Variants in FRMPD4 observed in about 807,000 individuals in gnomAD.
FRMPD4 encodes FERM and PDZ domain-containing protein 4.
FRMPD4 carries 22 observed loss-of-function variants against 94.1 expected under a neutral mutation model. The ratio of observed to expected loss-of-function variants is 0.23; its 90% CI spans 0.17 to 0.33. FRMPD4 has a LOEUF of 0.33. FRMPD4 is among the 10% of genes least tolerant of loss of function. The probability of loss-of-function intolerance (pLI) is 1.00; values close to 1 mark genes in which losing one functional copy is unlikely to be tolerated. For missense variants in FRMPD4, 1,111 were observed against 1,339.9 expected, an observed-to-expected ratio of 0.83 and a Z score of 2.67; for synonymous variants, 631 against 548.6, an observed-to-expected ratio of 1.15 and a Z score of -2.10.
At chrX:11,977,056 C>T (rs999540842) in intron 3 of FRMPD4, among the ~76,000 whole-genome samples, 3 of 110,614 alleles carry the variant, frequency 2.7e-5, no homozygotes, top group East Asian at 2.8e-4. Flanking sequence ...TAAATTATAC[C>T]GAACTACCAA....
chrX:12,560,510 G>A (rs5934022), intron 2 of FRMPD4, among the ~76,000 whole-genome samples: 2,801 of 103,556 alleles, frequency 0.027, 50 homozygotes, highest in Middle Eastern at 0.076. Context: ...CCAGCAACCA[G>A]CAATGGTGTA....
chrX:12,099,245 A>C (rs1320271974), intron 3 of FRMPD4, among the ~76,000 whole-genome samples: 4 of 111,427 alleles, frequency 3.6e-5, no homozygotes, highest in Non-Finnish European at 7.5e-5. Flanking sequence ...ATATATTTCC[A>C]GTTGACTGTT....
intron 2 of FRMPD4, among the ~76,000 whole-genome samples, chrX:12,508,764 C>T (rs773261060): frequency 2.7e-5 from 3 of 110,207 alleles, no homozygotes; most frequent in African/African-American, 3.3e-5. Context: ...GAGGCCAAGG[C>T]GGGCAGATCA....
At chrX:12,395,933 A>G in intron 1 of FRMPD4, 1 of 148,245 alleles carries the variant, frequency 6.7e-6, no homozygotes, top group Non-Finnish European at 1.4e-5. Flanking sequence ...GAATGTGCTC[A>G]ATGACCAGAG....
At chrX:12,087,821 C>T (rs1423533613) in intron 3 of FRMPD4, among the ~76,000 whole-genome samples, 1 of 112,216 alleles carries the variant, frequency 8.9e-6, no homozygotes, top group Non-Finnish European at 1.9e-5. Context: ...GAAATTACCA[C>T]ATACATATAG....
intron 1 of FRMPD4, among the ~76,000 whole-genome samples, chrX:11,840,810 T>C (rs1393828572): frequency 1.9e-5 from 2 of 108,024 alleles, no homozygotes; most frequent in Non-Finnish European, 3.8e-5. Context: ...TAGATACATA[T>C]GTATACATGT....
intron 4 of FRMPD4, among the ~76,000 whole-genome samples, chrX:12,669,568 T>A (rs1201925363): frequency 1.8e-5 from 2 of 112,269 alleles, no homozygotes; most frequent in Non-Finnish European, 3.8e-5. Flanking sequence ...AGAATAATGA[T>A]CGCCTGAAAA....
At chrX:12,497,897 ATGAGGT>A (rs1406776364) in intron 1 of FRMPD4, among the ~76,000 whole-genome samples, 2 of 110,741 alleles carry the variant, frequency 1.8e-5, no homozygotes, top group African/African-American at 6.6e-5. Flanking sequence ...GAGCCACCAC[ATGAGGT>A]TGTTCAGGGT....
intron 1 of FRMPD4, among the ~76,000 whole-genome samples, chrX:12,245,227 G>T (rs190444730): frequency 0.012 from 1,293 of 111,761 alleles, 11 homozygotes; most frequent in Non-Finnish European, 0.018. Flanking sequence ...TAGTTGCCTG[G>T]TTGAATCGCC....
intron 1 of FRMPD4, among the ~76,000 whole-genome samples, chrX:12,425,400 A>G (rs2056934028): frequency 8.9e-6 from 1 of 112,108 alleles, no homozygotes; most frequent in Admixed American, 9.4e-5. Context: ...TTTTTCCTAG[A>G]GCTCTGGGCC....
chrX:12,378,007 G>A (rs980590218), intron 1 of FRMPD4, among the ~76,000 whole-genome samples: 3 of 112,433 alleles, frequency 2.7e-5, no homozygotes, highest in African/African-American at 6.5e-5. Flanking sequence ...TATCGGTCGC[G>A]TTCTCTGCTG....
At chrX:12,090,316 C>T (rs760711602) in intron 3 of FRMPD4, among the ~76,000 whole-genome samples, 1 of 109,959 alleles carries the variant, frequency 9.1e-6, no homozygotes, top group African/African-American at 3.3e-5. Flanking sequence ...GCTCTGGCCA[C>T]GTAAAGTGCC....
intron 1 of FRMPD4, among the ~76,000 whole-genome samples, chrX:11,863,183 C>G (rs1436846460): frequency 9.3e-6 from 1 of 107,841 alleles, no homozygotes; most frequent in Admixed American, 1.0e-4. Flanking sequence ...CCCCCCACCC[C>G]ACAACAGGCC....
rs186533337 is a variant in FRMPD4 at position 12,516,118 on chromosome X, A to G, written c.158+17322A>G. Among the ~76,000 whole-genome samples, 341 of 111,806 alleles carry G rather than the reference A, an allele frequency of 3.0e-3. 2 individuals carry two copies. Among genetic ancestry groups the G allele is most frequent in the African/African-American group, 0.011 (324 of 30,754 alleles). On this transcript the variant is annotated intron_variant, in intron 2 of 16. Coordinates refer to ENST00000675598, the MANE Select transcript of FRMPD4 (RefSeq NM_001368397.1). ...TTTGCATGTGAGATGGGTCTCTTGAATATTGCAAGCTGATGGGTCTTGACT... is the reference window on the plus strand; with the variant it reads ...TTTGCATGTGAGATGGGTCTCTTGAGTATTGCAAGCTGATGGGTCTTGACT...
At chrX:12,409,493 A>G (rs1325743480) in intron 1 of FRMPD4, among the ~76,000 whole-genome samples, 2 of 112,216 alleles carry the variant, frequency 1.8e-5, no homozygotes, top group Non-Finnish European at 3.8e-5. Context: ...ATTGAAGACA[A>G]TAGAACTTTG....
intron 3 of FRMPD4, among the ~76,000 whole-genome samples, chrX:11,964,007 A>C (rs1267118728): frequency 9.0e-6 from 1 of 111,696 alleles, no homozygotes; most frequent in Non-Finnish European, 1.9e-5. Flanking sequence ...GATGTGCCAC[A>C]AAAGGTTTCC....
At chrX:12,317,723 T>TA (rs2055147766) in intron 1 of FRMPD4, among the ~76,000 whole-genome samples, 1 of 111,440 alleles carries the variant, frequency 9.0e-6, no homozygotes, top group Non-Finnish European at 1.9e-5. Context: ...CAGCATCACT[T>TA]ATTATCAAGG....
At chrX:11,969,501 T>C (rs1434598763) in intron 3 of FRMPD4, among the ~76,000 whole-genome samples, 2 of 112,160 alleles carry the variant, frequency 1.8e-5, no homozygotes, top group Admixed American at 1.9e-4. Context: ...AAAAGAATCA[T>C]ATATATAAAG....
rs2055899332 is a variant in FRMPD4 at position 12,154,044 on chromosome X, T to G, written c.41+15032T>G. 3.5e-5 allele frequency among the ~76,000 whole-genome samples: 4 copies of G among 112,903 alleles called. No homozygotes were observed. In the Admixed American group the frequency reaches 3.7e-4, roughly 11 times the overall value. On this transcript the variant is annotated intron_variant, in intron 1 of 16. Coordinates refer to ENST00000675598, the MANE Select transcript of FRMPD4 (RefSeq NM_001368397.1). Reference sequence around the variant, plus strand: ...CCTACAAAGCCTGAAATATCTGCCCTTTGCAGAAAGTTTTCTGGCCCTGGT... The same window carrying G: ...CCTACAAAGCCTGAAATATCTGCCCGTTGCAGAAAGTTTTCTGGCCCTGGT...
Sources: gnomAD v4.1 joint callset for allele counts (sites outside exome capture counted in the v4.1 genomes callset) on GRCh38, gnomAD v4.1.1 for gene constraint, MANE v1.5 for transcripts, NCBI Gene and HGNC (gene_info 2026-07-23, HGNC 2026-07-21) for gene names.